Variants in WDR25 observed in about 807,000 individuals in gnomAD.
The protein encoded by WDR25 is WD repeat domain 25.
In WDR25, 35 loss-of-function variants were observed where a neutral mutation model predicts 47.7. The ratio of observed to expected loss-of-function variants is 0.73; its 90% CI spans 0.56 to 0.97. The LOEUF (loss-of-function observed/expected upper bound fraction) is 0.97. WDR25 is among the 50% of genes least tolerant of loss of function. The pLI is 0.00. For missense variants in WDR25, 634 were observed against 704.7 expected (o/e 0.90, Z 1.14); for synonymous variants, 248 against 278.9 (o/e 0.89, Z 1.10).
intron 2 of WDR25, among the ~76,000 whole-genome samples, chr14:100,422,668 C>T (rs568473529): frequency 6.6e-6 from 1 of 152,338 alleles, no homozygotes; most frequent in South Asian, 2.1e-4. Context: ...AGTATTTGTT[C>T]CGTGGACGCC....
In WDR25 at chr14:100,523,434, G is replaced by C. The variant is rs1027992633; in HGVS notation, c.1102-2436G>C. On this transcript the variant is annotated intron_variant, in intron 4 of 6. Transcript: ENST00000402312. The surrounding 1 kb of genome is among the most constrained non-coding windows in gnomAD (Gnocchi z 4.7). ...GCAGCATGGGGTGAGGGATAGCTGG[G>C]TGCATCCGCCAGTCCTTCTTCTTTC... Among the ~76,000 whole-genome samples, 11 of 152,204 alleles carry C rather than the reference G, an allele frequency of 7.2e-5. No homozygotes were observed. The highest frequency in any genetic ancestry group is 2.7e-4 in the African/African-American group (11 of 41,446).
Position 100,420,234 on chromosome 14 carries a change from C to T in WDR25, c.822+38488C>T, listed in dbSNP as rs59886259. 8.8e-3 allele frequency among the ~76,000 whole-genome samples: 1,338 copies of T among 152,386 alleles called. 15 individuals are homozygous for T. Among genetic ancestry groups the T allele is most frequent in the African/African-American group, 0.031 (1,269 of 41,590 alleles). The stretch of plus-strand genomic sequence containing the variant: ...CAGGCCCTGGCAACCCCTTCCCCCA[C>T]TTCCCTCCACTGGCTTGGACCTCCA... On this transcript the variant is annotated intron_variant, in intron 2 of 6. Coordinates refer to ENST00000402312, the MANE Select transcript of WDR25 (RefSeq NM_001161476.3).
At chr14:100,477,078 G>A (rs1469092966) in intron 3 of WDR25, among the ~76,000 whole-genome samples, 1 of 152,178 alleles carries the variant, frequency 6.6e-6, no homozygotes, top group Non-Finnish European at 1.5e-5. Flanking sequence ...AGATGGACAG[G>A]TGGTGCTGCC....
At chr14:100,433,712 C>T (rs976515257) in intron 2 of WDR25, among the ~76,000 whole-genome samples, 1 of 152,124 alleles carries the variant, frequency 6.6e-6, no homozygotes, top group African/African-American at 2.4e-5. Flanking sequence ...CTCATGGACT[C>T]CTAGTTTCTT....
chr14:100,530,227 C>T lies in WDR25; in HGVS notation c.*186C>T, dbSNP rs1004269026. 5 of 617,270 alleles carry T rather than the reference C, an allele frequency of 8.1e-6. No homozygotes were observed. The Admixed American group carries it at 9.8e-5, about 12-fold the overall frequency. The allele number at this position is 617,270 out of a possible 1,614,324, so 38.2% of individuals were successfully genotyped here. A position where few individuals can be genotyped will look rare whatever the true frequency, so the allele number is the denominator to read the frequency against. On this transcript the variant is annotated 3_prime_UTR_variant, in exon 7 of 7. Transcript: ENST00000402312. ...TTGCCTCAGGAGTGTGAGGACTACACTAGTGAAAGCGCCTGGCGGGCAGCC... is the reference window on the plus strand; with the variant it reads ...TTGCCTCAGGAGTGTGAGGACTACATTAGTGAAAGCGCCTGGCGGGCAGCC...
intron 2 of WDR25, among the ~76,000 whole-genome samples, chr14:100,447,975 C>T (rs964370255): frequency 2.6e-5 from 4 of 152,176 alleles, no homozygotes; most frequent in East Asian, 1.9e-4. Context: ...GGGTGAATCA[C>T]CTGAGGTCGG....
At chr14:100,454,152 T>A (rs559134365) in intron 2 of WDR25, among the ~76,000 whole-genome samples, 1 of 152,292 alleles carries the variant, frequency 6.6e-6, no homozygotes, top group Non-Finnish European at 1.5e-5. Context: ...CAAATGAAAT[T>A]GGCTCAAACT....
chr14:100,434,540 T>C (rs1398645088), intron 2 of WDR25, among the ~76,000 whole-genome samples: 1 of 152,260 alleles, frequency 6.6e-6, no homozygotes, highest in Non-Finnish European at 1.5e-5. Context: ...TGCTGCCCCC[T>C]TTCAGTGTGG....
At chr14:100,510,660 C>T (rs935957980) in intron 4 of WDR25, among the ~76,000 whole-genome samples, 5 of 151,556 alleles carry the variant, frequency 3.3e-5, no homozygotes, top group East Asian at 1.9e-4. Context: ...CACTTGAACC[C>T]GGGAGCCGGA....
intron 3 of WDR25, among the ~76,000 whole-genome samples, chr14:100,477,380 A>G (rs888920981): frequency 6.6e-6 from 1 of 152,252 alleles, no homozygotes; most frequent in Admixed American, 6.5e-5. Context: ...GGTTTAGCTC[A>G]TTATAATGAG....
intron 2 of WDR25, among the ~76,000 whole-genome samples, chr14:100,434,026 G>T (rs1291682034): frequency 6.6e-6 from 1 of 150,570 alleles, no homozygotes; most frequent in Non-Finnish European, 1.5e-5. Flanking sequence ...GGGAGTTTGA[G>T]ACCAGCCTGG....
chr14:100,529,188 C>T lies in WDR25; in HGVS notation c.1393C>T (p.Arg465Trp), dbSNP rs952610374. The T allele has an allele frequency of 3.1e-6, 5 of 1,613,270 alleles. No homozygotes were observed. In the African/African-American group the frequency reaches 4.0e-5, roughly 13 times the overall value. ...GTGGCCCTACCGGATGAGCAGACGG[C>T]GGCGCTATGAAGGGCACAAGGTACT... ...TVWPYRMSRR[R>W]RYEGHKVEGY... The change falls in exon 6 of 7, where the codon CGG becomes TGG. Residue 465 changes from arginine (R) to tryptophan (W), a missense_variant. Physicochemically the swap from Arg to Trp is moderately radical, Grantham distance 101. Transcript: ENST00000402312. The surrounding 1 kb of genome is among the most constrained non-coding windows in gnomAD (Gnocchi z 5.1).
At chr14:100,432,040 C>T (rs1898356231) in intron 2 of WDR25, among the ~76,000 whole-genome samples, 1 of 152,174 alleles carries the variant, frequency 6.6e-6, no homozygotes, top group African/African-American at 2.4e-5. Flanking sequence ...CATTCTTCCT[C>T]AAAGATGAGT....
chr14:100,469,784 G>T (rs777210245), intron 3 of WDR25, among the ~76,000 whole-genome samples: 1 of 152,168 alleles, frequency 6.6e-6, no homozygotes, highest in Non-Finnish European at 1.5e-5. Context: ...TGAGACAGGC[G>T]CCATCAGAAT....
At position 100,506,350 on chromosome 14, in the gene WDR25, A is replaced by G. The variant is rs1379998644; in HGVS notation, c.1102-19520A>G. ...CCTAGATTGATTCCATGTCTTTGCT[A>G]TTGTGAATAGTGCTGTGATGAACAC... On this transcript the variant is annotated intron_variant, in intron 4 of 6. Transcript: ENST00000402312. The surrounding 1 kb of genome is among the most constrained non-coding windows in gnomAD (Gnocchi z 4.8). 6.6e-6 allele frequency among the ~76,000 whole-genome samples: 1 copy of G among 152,084 alleles called. No individual in the cohort carries two copies. The highest frequency in any genetic ancestry group is 1.5e-5 in the Non-Finnish European group (1 of 68,016).
At chr14:100,395,309 C>T (rs34277858) in intron 2 of WDR25, among the ~76,000 whole-genome samples, 56,268 of 152,036 alleles carry the variant, frequency 0.37, 13,119 homozygotes, top group South Asian at 0.67. Flanking sequence ...GTTTCCCCAT[C>T]GTAAGTCAAG....
intron 2 of WDR25, among the ~76,000 whole-genome samples, chr14:100,418,461 T>A (rs1566900641): frequency 6.6e-6 from 1 of 151,306 alleles, no homozygotes; most frequent in South Asian, 2.1e-4. Context: ...GTGAAACCCC[T>A]TCTCTACTAA....
At chr14:100,447,794 T>G (rs781188465) in intron 2 of WDR25, among the ~76,000 whole-genome samples, 1 of 152,232 alleles carries the variant, frequency 6.6e-6, no homozygotes, top group Non-Finnish European at 1.5e-5. Flanking sequence ...TGTTAAATCC[T>G]CTTGCTGTGT....
chr14:100,428,630 C>A lies in WDR25; in HGVS notation c.823-39391C>A, dbSNP rs967130379. On this transcript the variant is annotated intron_variant, in intron 2 of 6. Coordinates refer to ENST00000402312, the MANE Select transcript of WDR25 (RefSeq NM_001161476.3). This position sits in a 1 kb window ranked among gnomAD's most constrained non-coding sequence, Gnocchi z 4.3. ...GAGTACTGGGGCCTTGCCAGCGGAG[C>A]CCCCTCTTCCCTGGTCTTATCCCTC... Among the ~76,000 whole-genome samples, 66 of 152,250 alleles carry A rather than the reference C, an allele frequency of 4.3e-4. No individual in the cohort carries two copies. Among genetic ancestry groups the A allele is most frequent in the African/African-American group, 1.5e-3 (61 of 41,542 alleles).
Sources: allele counts gnomAD v4.1 joint callset (sites outside exome capture counted in the v4.1 genomes callset), GRCh38; gene constraint gnomAD v4.1.1; non-coding constraint Gnocchi (gnomAD v3.1); transcripts MANE v1.5; gene names NCBI Gene and HGNC (gene_info 2026-07-23, HGNC 2026-07-21).